The following CTNND2 variants were observed in gnomAD, a reference collection of about 807,000 sequenced individuals.
CTNND2 encodes the protein catenin delta 2, also known as catenin delta-2.
A neutral mutation model predicts 144.4 loss-of-function variants in CTNND2; 22 were observed. That is an observed-to-expected ratio of 0.15 (90% CI 0.11 to 0.22). CTNND2 has a LOEUF of 0.22. Ranked by LOEUF, CTNND2 falls within the 10% of genes least tolerant of loss-of-function variation. The pLI is 1.00. For missense variants in CTNND2, 1,353 were observed against 1,618.8 expected (o/e 0.84, Z 2.82); for synonymous variants, 751 against 695.6 (o/e 1.08, Z -1.25).
intron 2 of CTNND2, among the ~76,000 whole-genome samples, chr5:11,711,701 T>C (rs1786044599): frequency 6.6e-6 from 1 of 152,236 alleles, no homozygotes; most frequent in Non-Finnish European, 1.5e-5. Context: ...AAAATATATT[T>C]ACAACACTCC....
intron 11 of CTNND2, among the ~76,000 whole-genome samples, chr5:11,190,543 C>G (rs2023534): frequency 0.3 from 44,952 of 152,118 alleles, 6,898 homozygotes; most frequent in Middle Eastern, 0.35. Flanking sequence ...TCCAACCCAA[C>G]CCCTAGCAGT....
At chr5:11,473,612 T>C (rs1767447115) in intron 3 of CTNND2, among the ~76,000 whole-genome samples, 5 of 152,170 alleles carry the variant, frequency 3.3e-5, no homozygotes, top group Admixed American at 3.3e-4. Context: ...GCTCCATCGC[T>C]ATTCCCAGAA....
Position 11,436,463 on chromosome 5 carries a change from T to C in CTNND2, c.288-24394A>G, listed in dbSNP as rs148499572. The stretch of plus-strand genomic sequence containing the variant: ...AGAGAAAATACAAGATTTTATAGAT[T>C]GTTCTTAGTGACAGGGCCTTGTTCC... On this transcript the variant is annotated intron_variant, in intron 3 of 21. Coordinates refer to ENST00000304623, the MANE Select transcript of CTNND2 (RefSeq NM_001332.4). 6.7e-3 allele frequency among the ~76,000 whole-genome samples: 1,018 copies of C among 152,334 alleles called. 7 individuals are homozygous for C. Among genetic ancestry groups the C allele is most frequent in the African/African-American group, 0.023 (968 of 41,568 alleles).
At chr5:11,222,657 T>A (rs1182921319) in intron 10 of CTNND2, among the ~76,000 whole-genome samples, 1 of 152,004 alleles carries the variant, frequency 6.6e-6, no homozygotes, top group Non-Finnish European at 1.5e-5. Context: ...AATAAAAAAA[T>A]TAGTATGGCA....
chr5:11,640,367 G>A (rs953963534), intron 2 of CTNND2, among the ~76,000 whole-genome samples: 1 of 152,120 alleles, frequency 6.6e-6, no homozygotes, highest in Admixed American at 6.5e-5. Flanking sequence ...GAATCGCCTT[G>A]GTATGGACAG....
chr5:11,755,002 G>A (rs1240195285), intron 1 of CTNND2, among the ~76,000 whole-genome samples: 1 of 151,744 alleles, frequency 6.6e-6, no homozygotes, highest in Non-Finnish European at 1.5e-5. Context: ...TGGTTATTAT[G>A]TAGACTTGAT....
intron 3 of CTNND2, among the ~76,000 whole-genome samples, chr5:11,532,322 T>C (rs1273403601): frequency 4.5e-5 from 3 of 66,436 alleles, no homozygotes; most frequent in Admixed American, 2.3e-4. Context: ...CCTCCTCCAG[T>C]ATTGGCCTCA....
intron 2 of CTNND2, among the ~76,000 whole-genome samples, chr5:11,672,356 T>C (rs1013250525): frequency 2.0e-5 from 3 of 152,174 alleles, no homozygotes; most frequent in African/African-American, 7.2e-5. Flanking sequence ...GGCAGGGACA[T>C]TTAAGTCTGC....
intron 1 of CTNND2, among the ~76,000 whole-genome samples, chr5:11,792,116 G>A (rs1459168214): frequency 6.6e-6 from 1 of 152,096 alleles, no homozygotes; most frequent in Admixed American, 6.5e-5. Flanking sequence ...TCTAGACCAT[G>A]CGGTCTCAAA....
chr5:10,978,499 G>T (rs1023052869), intron 21 of CTNND2, among the ~76,000 whole-genome samples: 13 of 136,296 alleles, frequency 9.5e-5, no homozygotes, highest in Admixed American at 2.1e-4. Context: ...ACTTTTTGGG[G>T]AGGGGGGGGA....
chr5:11,121,936 A>G (rs777700747), intron 12 of CTNND2, among the ~76,000 whole-genome samples: 10 of 152,284 alleles, frequency 6.6e-5, no homozygotes, highest in Non-Finnish European at 1.3e-4. Context: ...TTTATTTTGT[A>G]TTGGTATTAT....
At chr5:11,505,469 T>C (rs1398817068) in intron 3 of CTNND2, among the ~76,000 whole-genome samples, 5 of 152,238 alleles carry the variant, frequency 3.3e-5, no homozygotes, top group South Asian at 2.1e-4. Context: ...AACACATTTA[T>C]AATTTTGTCT....
intron 1 of CTNND2, among the ~76,000 whole-genome samples, chr5:11,819,326 C>T (rs1023763183): frequency 6.6e-5 from 10 of 151,816 alleles, no homozygotes; most frequent in South Asian, 2.1e-4. Context: ...CCCAGCTACT[C>T]GGGAGGCTGA....
intron 1 of CTNND2, among the ~76,000 whole-genome samples, chr5:11,744,714 C>CGT (rs560000345): frequency 4.7e-5 from 7 of 149,810 alleles, no homozygotes; most frequent in African/African-American, 7.4e-5. Context: ...TGTGTGTGCA[C>CGT]GTGTGTGTGT....
At chr5:11,447,051 G>A (rs973489385) in intron 3 of CTNND2, among the ~76,000 whole-genome samples, 2 of 151,910 alleles carry the variant, frequency 1.3e-5, no homozygotes, top group East Asian at 1.9e-4. Flanking sequence ...CCCCCTTCCC[G>A]GGTAACAACA....
chr5:11,425,622 A>T (rs891161082), intron 3 of CTNND2, among the ~76,000 whole-genome samples: 1 of 152,118 alleles, frequency 6.6e-6, no homozygotes, highest in Non-Finnish European at 1.5e-5. Context: ...ATTCCTACTA[A>T]CGTTCTTAAG....
At chr5:11,014,604 C>A (rs931352857) in intron 18 of CTNND2, among the ~76,000 whole-genome samples, 2 of 152,136 alleles carry the variant, frequency 1.3e-5, no homozygotes, top group Admixed American at 6.5e-5. Flanking sequence ...TCCGATGATA[C>A]AAATATGCTT....
At position 11,361,850 on chromosome 5, in the gene CTNND2, T is replaced by C. The variant is rs112830806; in HGVS notation, c.1372+2846A>G. ...GTCTACTTTTCTTCATTCCCAAGTG[T>C]TGACCCCTTGAAGGGAAGCAACTGG... On this transcript the variant is annotated intron_variant, in intron 8 of 21. Transcript: ENST00000304623. 2.5e-3 allele frequency among the ~76,000 whole-genome samples: 385 copies of C among 152,326 alleles called. 1 individual carries two copies. Among genetic ancestry groups the C allele is most frequent in the African/African-American group, 8.1e-3 (337 of 41,578 alleles).
At chr5:11,351,634 A>G (rs1755350759) in intron 8 of CTNND2, among the ~76,000 whole-genome samples, 1 of 152,216 alleles carries the variant, frequency 6.6e-6, no homozygotes, top group Admixed American at 6.5e-5. Flanking sequence ...CTGACAATGG[A>G]AAAAAGGAGA....
Sources: gnomAD v4.1 joint callset for allele counts (sites outside exome capture counted in the v4.1 genomes callset) on GRCh38, gnomAD v4.1.1 for gene constraint, MANE v1.5 for transcripts, NCBI Gene and HGNC (gene_info 2026-07-23, HGNC 2026-07-21) for gene names.